The following PDZRN4 variants were observed in gnomAD, a reference collection of about 807,000 sequenced individuals.
PDZRN4 encodes PDZ domain containing ring finger 4.
A neutral mutation model predicts 99.0 loss-of-function variants in PDZRN4; 70 were observed. The observed-to-expected ratio is 0.71, with a 90% CI of 0.58 to 0.86. The LOEUF is 0.86. Among genes scored for constraint, PDZRN4 ranks in the 40% least tolerant of loss-of-function variants. The probability of loss-of-function intolerance (pLI) is 0.00; values close to 1 mark genes in which losing one functional copy is unlikely to be tolerated. For missense variants in PDZRN4, 1,474 were observed against 1,331.2 expected (o/e 1.11, Z -1.67); for synonymous variants, 551 against 501.6 (o/e 1.10, Z -1.32).
At chr12:41,218,374 T>C (rs1262009948) in intron 3 of PDZRN4, among the ~76,000 whole-genome samples, 1 of 152,090 alleles carries the variant, frequency 6.6e-6, no homozygotes, top group Admixed American at 6.6e-5. Context: ...TGCAATTCTG[T>C]TTCAGAGCAG....
At chr12:41,454,342 C>T (rs1952800972) in intron 3 of PDZRN4, among the ~76,000 whole-genome samples, 1 of 152,208 alleles carries the variant, frequency 6.6e-6, no homozygotes. Context: ...CTCTTTCCTC[C>T]TGAGGTTCCT....
Position 41,303,138 on chromosome 12 carries a change from G to C in PDZRN4, c.843+108950G>C, listed in dbSNP as rs77574206. 3.3e-3 allele frequency among the ~76,000 whole-genome samples: 497 copies of C among 152,230 alleles called. 19 individuals are homozygous for C. The East Asian group carries it at 0.075, about 23-fold the overall frequency. ...GCACATGATCTCATGGCAGGATAAA[G>C]ACGGTCTTCAGGGAGACTCCACAGT... On this transcript the variant is annotated intron_variant, in intron 3 of 9. Coordinates refer to ENST00000402685, the MANE Select transcript of PDZRN4 (RefSeq NM_001164595.2).
intron 3 of PDZRN4, among the ~76,000 whole-genome samples, chr12:41,421,628 TAGTC>T (rs1313943897): frequency 1.3e-5 from 2 of 152,196 alleles, no homozygotes; most frequent in Admixed American, 1.3e-4. Context: ...GTTCACCTAA[TAGTC>T]AGTTTGATCT....
At chr12:41,463,333 C>T (rs1487902466) in intron 3 of PDZRN4, among the ~76,000 whole-genome samples, 1 of 152,130 alleles carries the variant, frequency 6.6e-6, no homozygotes, top group Non-Finnish European at 1.5e-5. Flanking sequence ...TCCTGACTTC[C>T]TCAACTATAC....
chr12:41,314,920 T>C (rs993531163), intron 3 of PDZRN4, among the ~76,000 whole-genome samples: 6 of 152,130 alleles, frequency 3.9e-5, no homozygotes, highest in Admixed American at 2.0e-4. Flanking sequence ...AGAATTCAAA[T>C]ATCCATGTAA....
chr12:41,435,233 A>G (rs948457153), intron 3 of PDZRN4, among the ~76,000 whole-genome samples: 4 of 152,194 alleles, frequency 2.6e-5, no homozygotes, highest in African/African-American at 9.7e-5. Flanking sequence ...ACTTCCCTAG[A>G]ATGTTCATTC....
At chr12:41,553,110 A>G (rs1283908443) in intron 6 of PDZRN4, among the ~76,000 whole-genome samples, 1 of 152,218 alleles carries the variant, frequency 6.6e-6, no homozygotes, top group Non-Finnish European at 1.5e-5. Context: ...TATGAGTTCT[A>G]TTAACAGTAG....
intron 3 of PDZRN4, among the ~76,000 whole-genome samples, chr12:41,257,295 C>A (rs890796211): frequency 1.3e-5 from 2 of 152,198 alleles, no homozygotes; most frequent in African/African-American, 4.8e-5. Context: ...TTGCAGATTG[C>A]TGACTTTTCA....
chr12:41,535,022 G>A (rs893595202), intron 5 of PDZRN4, among the ~76,000 whole-genome samples: 6 of 151,720 alleles, frequency 4.0e-5, no homozygotes, highest in Admixed American at 3.9e-4. Context: ...TGTCCAACCT[G>A]TGGTTAAATG....
chr12:41,358,844 ATTCT>A (rs1481032146), intron 3 of PDZRN4, among the ~76,000 whole-genome samples: 1 of 151,950 alleles, frequency 6.6e-6, no homozygotes, highest in Non-Finnish European at 1.5e-5. Flanking sequence ...CTAGGTTATG[ATTCT>A]TTCTTTTATA....
chr12:41,332,623 G>C (rs1285367579), intron 3 of PDZRN4, among the ~76,000 whole-genome samples: 1 of 151,616 alleles, frequency 6.6e-6, no homozygotes, highest in Non-Finnish European at 1.5e-5. Flanking sequence ...TGTGTGGTAA[G>C]GAAGAGTGGG....
intron 3 of PDZRN4, among the ~76,000 whole-genome samples, chr12:41,271,331 G>A (rs1163591077): frequency 6.6e-6 from 1 of 151,986 alleles, no homozygotes; most frequent in African/African-American, 2.4e-5. Context: ...CAAAAAATAT[G>A]GGTCAAGTCC....
chr12:41,240,266 C>T (rs1326063534), intron 3 of PDZRN4, among the ~76,000 whole-genome samples: 1 of 152,132 alleles, frequency 6.6e-6, no homozygotes, highest in Non-Finnish European at 1.5e-5. Flanking sequence ...CCATCAATGA[C>T]ATAATGAGAT....
At chr12:41,534,901 A>G (rs1938724180) in intron 5 of PDZRN4, among the ~76,000 whole-genome samples, 1 of 152,068 alleles carries the variant, frequency 6.6e-6, no homozygotes, top group African/African-American at 2.4e-5. Context: ...TTTCCTAACT[A>G]CTATCTCCTA....
intron 3 of PDZRN4, among the ~76,000 whole-genome samples, chr12:41,423,920 C>T (rs12312032): frequency 0.044 from 6,672 of 152,196 alleles, 236 homozygotes; most frequent in African/African-American, 0.11. Context: ...AATGGAGAAA[C>T]AGACTCAGAG....
intron 3 of PDZRN4, among the ~76,000 whole-genome samples, chr12:41,421,408 G>T (rs1454537527): frequency 6.6e-6 from 1 of 152,068 alleles, no homozygotes; most frequent in Non-Finnish European, 1.5e-5. Flanking sequence ...GGACAGGCTG[G>T]TCTCAAACTC....
In PDZRN4 at chr12:41,409,257, A is replaced by G. The variant is rs114218948; in HGVS notation, c.844-97199A>G. ...TTTTTTAAGGGTTAACATCTATGCTATTTTATTATTCCTTCATTTATTCAC... is the reference window on the plus strand; with the variant it reads ...TTTTTTAAGGGTTAACATCTATGCTGTTTTATTATTCCTTCATTTATTCAC... On this transcript the variant is annotated intron_variant, in intron 3 of 9. Coordinates refer to ENST00000402685, the MANE Select transcript of PDZRN4 (RefSeq NM_001164595.2). Among the ~76,000 whole-genome samples the G allele has an allele frequency of 1.8e-3, 271 of 152,198 alleles. 2 individuals are homozygous for G. Among genetic ancestry groups the G allele is most frequent in the African/African-American group, 6.2e-3 (257 of 41,526 alleles).
At chr12:41,395,109 C>G (rs1349937022) in intron 3 of PDZRN4, among the ~76,000 whole-genome samples, 2 of 152,128 alleles carry the variant, frequency 1.3e-5, no homozygotes, top group Non-Finnish European at 2.9e-5. Context: ...AGTCTCATTT[C>G]ATTATAGTAT....
At chr12:41,249,915 T>C (rs1951157004) in intron 3 of PDZRN4, among the ~76,000 whole-genome samples, 1 of 152,210 alleles carries the variant, frequency 6.6e-6, no homozygotes, top group South Asian at 2.1e-4. Flanking sequence ...TATGTTTAAA[T>C]TTCCCCATGA....
Sources: allele counts gnomAD v4.1 joint callset (sites outside exome capture counted in the v4.1 genomes callset), GRCh38; gene constraint gnomAD v4.1.1; transcripts MANE v1.5; gene names NCBI Gene and HGNC (gene_info 2026-07-23, HGNC 2026-07-21).